The following PPL variants were observed in gnomAD, a reference collection of about 807,000 sequenced individuals.
PPL encodes 190 kDa paraneoplastic pemphigus antigen.
A neutral mutation model predicts 194.4 loss-of-function variants in PPL; 198 were observed. That is an observed-to-expected ratio of 1.02 (90% CI 0.91 to 1.15). PPL has a LOEUF of 1.15. Ranked by LOEUF, PPL falls within the 50% of genes most tolerant of loss-of-function variation. PPL has a pLI of 0.00. For synonymous variants in PPL, 1,220 were observed against 972.4 expected (o/e 1.25, Z -4.74); for missense variants, 2,885 against 2,294.8 (o/e 1.26, Z -5.25).
At chr16:4,924,970 C>T (rs1475498335) in intron 1 of PPL, among the ~76,000 whole-genome samples, 2 of 152,244 alleles carry the variant, frequency 1.3e-5, no homozygotes, top group Non-Finnish European at 2.9e-5. Flanking sequence ...CCTGCACTCT[C>T]CTCCCATGTG....
At chr16:4,925,192 G>A (rs1402457120) in intron 1 of PPL, among the ~76,000 whole-genome samples, 1 of 152,036 alleles carries the variant, frequency 6.6e-6, no homozygotes, top group Non-Finnish European at 1.5e-5. Flanking sequence ...AAGGGGCTGG[G>A]CCTCCTGCCA....
Position 4,887,307 on chromosome 16 carries a change from G to A in PPL, c.2515-80C>T, listed in dbSNP as rs1347949483. Reference sequence around the variant, plus strand: ...CAACAGAGAGCTAGACAGCGTGGACGTGGTTCTTGAGAAGTGTGGAATTTG... The same window carrying A: ...CAACAGAGAGCTAGACAGCGTGGACATGGTTCTTGAGAAGTGTGGAATTTG... On this transcript the variant is annotated intron_variant, in intron 20 of 21. Coordinates refer to ENST00000345988, the MANE Select transcript of PPL (RefSeq NM_002705.5). The A allele has an allele frequency of 1.6e-5, 17 of 1,079,648 alleles. 1 individual carries two copies. In the African/African-American group the frequency reaches 2.2e-4, roughly 14 times the overall value. 66.9% of individuals were successfully genotyped at this position (1,079,648 alleles called of 1,614,324 possible).
chr16:4,900,118 A>C (rs550202870), intron 6 of PPL, among the ~76,000 whole-genome samples: 2 of 152,338 alleles, frequency 1.3e-5, no homozygotes, highest in East Asian at 3.9e-4. Context: ...TTATAGCGAC[A>C]CAATGCTGCC....
At position 4,899,036 on chromosome 16, in the gene PPL, G is replaced by T; in HGVS notation, c.853C>A (p.His285Asn). ...SEGDQLLAAE[H>N]PGRNSIEAHM... is the part of the protein sequence containing the mutation. Reference sequence around the variant, plus strand: ...ACCTCAATGGAGTTCCTCCCGGGGTGCTCGGCCGCCAGCAGCTGGTCGCCC... The same window carrying T: ...ACCTCAATGGAGTTCCTCCCGGGGTTCTCGGCCGCCAGCAGCTGGTCGCCC... The change falls in exon 8 of 22, where the codon CAC becomes AAC. Residue 285 changes from histidine (H) to asparagine (N), a missense_variant. By Grantham distance (68) the His-to-Asn change is moderately conservative. Transcript: ENST00000345988. The T allele has an allele frequency of 6.2e-7, 1 of 1,612,624 alleles. No individual in the cohort carries two copies. The highest frequency in any genetic ancestry group is 2.2e-5 in the East Asian group (1 of 44,784).
chr16:4,900,738 C>T (rs2088546529), intron 6 of PPL, 92 bp downstream of exon 6: 1 of 1,562,712 alleles, frequency 6.4e-7, no homozygotes, highest in African/African-American at 1.4e-5. Flanking sequence ...CTGCCTATGT[C>T]ATTTTTAAAA....
At chr16:4,887,285 C>CA in intron 20 of PPL, 58 bp from the exon 21 acceptor site, 7 of 1,293,792 alleles carry the variant, frequency 5.4e-6, no homozygotes, top group Non-Finnish European at 7.9e-6. Context: ...GGGTAAGCAA[C>CA]AGAGAGCTAG....
At chr16:4,918,847 G>A (rs535845465) in intron 1 of PPL, among the ~76,000 whole-genome samples, 4 of 152,290 alleles carry the variant, frequency 2.6e-5, no homozygotes, top group African/African-American at 9.6e-5. Flanking sequence ...TGTGGGTGGG[G>A]CAGGAACCTG....
chr16:4,930,544 C>T (rs2089213448), intron 1 of PPL, among the ~76,000 whole-genome samples: 1 of 152,200 alleles, frequency 6.6e-6, no homozygotes, highest in African/African-American at 2.4e-5. Context: ...CTCATTCATT[C>T]ATTCATTCAG....
chr16:4,891,625 T>C (rs761118228), intron 16 of PPL, 186 bp downstream of exon 16: 178 of 667,840 alleles, frequency 2.7e-4, no homozygotes, highest in Admixed American at 2.3e-4. Context: ...ATCCCGTAAG[T>C]CACACAGATC....
Position 4,902,486 on chromosome 16 carries a change from T to G in PPL, c.358A>C (p.Lys120Gln), listed in dbSNP as rs143980531. The stretch of plus-strand genomic sequence containing the variant: ...GCCAGCCTGTAGATCTGCTTGTGTT[T>G]CCCGCGCAGGTTGGTCACACGCTCC... ...LKERVTNLRG[K>Q]HKQIYRLAVK... Residue 120 changes from lysine (K) to glutamine (Q), a missense_variant, in exon 4 of 22, where the codon AAA becomes CAA. Lys to Gln is a moderately conservative substitution (Grantham distance 53, BLOSUM62 1). Coordinates refer to ENST00000345988, the MANE Select transcript of PPL (RefSeq NM_002705.5). The surrounding 1 kb of genome is among the most constrained non-coding windows in gnomAD (Gnocchi z 4.0). 7.1e-4 allele frequency: 1,147 copies of G among 1,613,908 alleles called. 8 individuals are homozygous for G. The East Asian group carries it at 0.018, about 25-fold the overall frequency.
intron 12 of PPL, 96 bp from the exon 13 acceptor site, chr16:4,893,734 G>A (rs2088365690): frequency 9.8e-7 from 1 of 1,018,764 alleles, no homozygotes; most frequent in Non-Finnish European, 1.4e-6. Flanking sequence ...AGACACCCCA[G>A]AGGAGCCTGA....
intron 14 of PPL, chr16:4,892,836 C>T: frequency 5.4e-6 from 1 of 185,544 alleles, no homozygotes; most frequent in Non-Finnish European, 1.1e-5. Flanking sequence ...CGCCACTGCC[C>T]TGTGAGCAGG....
intron 9 of PPL, among the ~76,000 whole-genome samples, chr16:4,896,558 T>C (rs2088432810): frequency 6.6e-6 from 1 of 151,486 alleles, no homozygotes; most frequent in South Asian, 2.1e-4. Context: ...GGCAAGTCCA[T>C]AGAGACAGCA....
rs764496436 is a variant in PPL at position 4,884,464 on chromosome 16, G to A, written c.4191C>T (p.Thr1397=). 6 of 1,602,086 alleles carry A rather than the reference G, an allele frequency of 3.7e-6. No homozygotes were observed. Among genetic ancestry groups the A allele is most frequent in the Admixed American group, 1.8e-5 (1 of 57,030 alleles). Residue 1397 remains threonine, a synonymous_variant, in exon 22 of 22, where the codon ACC becomes ACT. Coordinates refer to ENST00000345988, the MANE Select transcript of PPL (RefSeq NM_002705.5). This position sits in a 1 kb window ranked among gnomAD's most constrained non-coding sequence, Gnocchi z 5.7. Reference sequence around the variant, plus strand: ...GCTCCTCCAGCTGCCGCTCAAGCTCGGTGCGCCGGCGCTGCAGCCGCCGCA... The same window carrying A: ...GCTCCTCCAGCTGCCGCTCAAGCTCAGTGCGCCGGCGCTGCAGCCGCCGCA... The part of the protein sequence containing the change: ...AELRRLQRRR[T]ELERQLEELE...
At position 4,889,029 on chromosome 16, in the gene PPL, C is replaced by G; in HGVS notation, c.2346G>C (p.Gln782His). ...AATTGGCACAGATCTTCTGTACTTC[C>G]TGCTCCCTACTTGCTATCTCATCTA... ...NLLDEIASRE[Q>H]EVQKICANSQ... is the part of the protein sequence containing the mutation. The change falls in exon 19 of 22, where the codon CAG becomes CAC. Residue 782 changes from glutamine (Q) to histidine (H), a missense_variant. Gln to His is a conservative substitution (Grantham distance 24). Coordinates refer to ENST00000345988, the MANE Select transcript of PPL (RefSeq NM_002705.5). 6.2e-7 allele frequency: 1 copy of G among 1,613,762 alleles called. No homozygotes were observed. Among genetic ancestry groups the G allele is most frequent in the Non-Finnish European group, 8.5e-7 (1 of 1,179,894 alleles).
rs368865189 is a variant in PPL, at chr16:4,885,643, C to T, written c.3012G>A (p.Arg1004=). 29 of 1,612,836 alleles carry T rather than the reference C, an allele frequency of 1.8e-5. 1 individual carries two copies. In the African/African-American group the frequency reaches 2.8e-4, roughly 16 times the overall value. The change falls in exon 22 of 22, where the codon AGG becomes AGA. Residue 1004 remains arginine (R), a synonymous_variant. Transcript: ENST00000345988. The surrounding 1 kb of genome is among the most constrained non-coding windows in gnomAD (Gnocchi z 6.3). Reference sequence around the variant, plus strand: ...GCTGCAAGACCTCATCCGCCTGGGCCCTGTCAGGCTCGATGCGCAGGACCT... The same window carrying T: ...GCTGCAAGACCTCATCCGCCTGGGCTCTGTCAGGCTCGATGCGCAGGACCT... ...VKEVLRIEPD[R]AQADEVLQLR...
chr16:4,921,261 G>C (rs1172807160), intron 1 of PPL, among the ~76,000 whole-genome samples: 1 of 152,184 alleles, frequency 6.6e-6, no homozygotes, highest in Non-Finnish European at 1.5e-5. Flanking sequence ...GGAGTTCCAG[G>C]GCTGTGTTTG....
At chr16:4,919,306 G>A (rs1482499418) in intron 1 of PPL, among the ~76,000 whole-genome samples, 1 of 152,218 alleles carries the variant, frequency 6.6e-6, no homozygotes, top group African/African-American at 2.4e-5. Flanking sequence ...GCCTGTGTAG[G>A]AGAAAGACTT....
At chr16:4,893,497 C>A in intron 13 of PPL, 44 bp downstream of exon 13, 1 of 1,604,564 alleles carries the variant, frequency 6.2e-7, no homozygotes. Context: ...AGCCCCTCCT[C>A]CCCGGTACCC....
Sources: allele counts gnomAD v4.1 joint callset (sites outside exome capture counted in the v4.1 genomes callset), GRCh38; gene constraint gnomAD v4.1.1; non-coding constraint Gnocchi (gnomAD v3.1); transcripts MANE v1.5; gene names NCBI Gene and HGNC (gene_info 2026-07-23, HGNC 2026-07-21).